The following PCDHGB6 variants were observed in gnomAD, a reference collection of about 807,000 sequenced individuals.
The protein encoded by PCDHGB6 is protocadherin gamma-B6.
PCDHGB6 carries 51 observed loss-of-function variants against 59.1 expected under a neutral mutation model. The observed-to-expected ratio is 0.86, with a 90% confidence interval of 0.69 to 1.09. The LOEUF (loss-of-function observed/expected upper bound fraction) is 1.09. PCDHGB6 is among the 50% of genes least tolerant of loss of function. PCDHGB6 has a pLI of 0.00. For missense variants in PCDHGB6, 1,148 were observed against 1,205.1 expected, an observed-to-expected ratio of 0.95 and a Z score of 0.70; for synonymous variants, 466 against 495.1, an observed-to-expected ratio of 0.94 and a Z score of 0.78.
intron 1 of PCDHGB6, chr5:141,411,714 G>C (rs889829564): frequency 6.6e-6 from 1 of 152,420 alleles, no homozygotes; most frequent in Middle Eastern, 3.1e-3. Context: ...AGACTCCATC[G>C]CTACAGAACA....
Position 141,487,071 on chromosome 5 carries a change from C to A in PCDHGB6, c.2419-7736C>A. On this transcript the variant is annotated intron_variant, in intron 1 of 3. Coordinates refer to ENST00000520790, the MANE Select transcript of PCDHGB6 (RefSeq NM_018926.3). The surrounding 1 kb of genome is among the most constrained non-coding windows in gnomAD (Gnocchi z 5.0). ...GCTGGGGAGGTGCGGACGGCTGTTC[C>A]TATCCCAGCTGACCTCCCACCACAG... is the stretch of plus-strand genomic sequence containing the variant. The A allele has an allele frequency of 6.2e-7, 1 of 1,614,148 alleles. No individual in the cohort carries two copies. Among genetic ancestry groups the A allele is most frequent in the Non-Finnish European group, 8.5e-7 (1 of 1,180,002 alleles).
At chr5:141,479,358 GC>G (rs2154577546) in intron 1 of PCDHGB6, 1 of 152,584 alleles carries the variant, frequency 6.6e-6, no homozygotes, top group Non-Finnish European at 1.5e-5. Flanking sequence ...GCTGCTCAGT[GC>G]CTGAGGTGGG....
chr5:141,455,158 T>TG (rs1279537888), intron 1 of PCDHGB6, among the ~76,000 whole-genome samples: 46 of 145,032 alleles, frequency 3.2e-4, no homozygotes, highest in African/African-American at 1.0e-3. Flanking sequence ...ATTAGTTTGT[T>TG]GGTTTTTTTT....
rs375127524 is a variant in PCDHGB6 at position 141,490,702 on chromosome 5, C to T, written c.2419-4105C>T. ...AGATCCAGACACTGGGGATAATGCC[C>T]GCCTCACCTACTCCATTGTAGGAAA... On this transcript the variant is annotated intron_variant, in intron 1 of 3. Coordinates refer to ENST00000520790, the MANE Select transcript of PCDHGB6 (RefSeq NM_018926.3). The surrounding 1 kb of genome is among the most constrained non-coding windows in gnomAD (Gnocchi z 5.4). 36 of 1,614,060 alleles carry T rather than the reference C, an allele frequency of 2.2e-5. No homozygotes were observed. Among genetic ancestry groups the T allele is most frequent in the South Asian group, 7.7e-5 (7 of 91,090 alleles).
At position 141,432,025 on chromosome 5, in the gene PCDHGB6, G is replaced by C. The variant is rs768627576; in HGVS notation, c.2418+21405G>C. 2 of 1,614,158 alleles carry C rather than the reference G, an allele frequency of 1.2e-6. No homozygotes were observed. The highest frequency in any genetic ancestry group is 3.3e-4 in the Middle Eastern group (2 of 6,062). ...AGGTTCCTAGCTACAACATCACAGTGACCGCCACTGACCGGGGAACCCCGC... is the reference window on the plus strand; with the variant it reads ...AGGTTCCTAGCTACAACATCACAGTCACCGCCACTGACCGGGGAACCCCGC... On this transcript the variant is annotated intron_variant, in intron 1 of 3. Transcript: ENST00000520790. The surrounding 1 kb of genome is among the most constrained non-coding windows in gnomAD (Gnocchi z 6.0).
Position 141,409,986 on chromosome 5 carries a change from A to G in PCDHGB6, c.1784A>G (p.Asp595Gly), listed in dbSNP as rs995773112. Residue 595 changes from aspartate to glycine, a missense_variant, in exon 1 of 4, where the codon GAC becomes GGC. By Grantham distance (94) the Asp-to-Gly change is moderately conservative. Around this residue, in one of 5 missense-constraint regions of PCDHGB6, gnomAD observed 549 missense variants for 527.5 expected, o/e 1.04. Transcript: ENST00000520790. Reference protein sequence around the residue: ...GYLVTKVVAVDADSGHNAWLS... With the variant: ...GYLVTKVVAVGADSGHNAWLS... ...CTAGTGACTAAGGTGGTAGCGGTGG[A>G]CGCCGACTCGGGACACAACGCCTGG... 1.7e-5 allele frequency: 27 copies of G among 1,612,796 alleles called. No individual in the cohort carries two copies. The highest frequency in any genetic ancestry group is 2.2e-5 in the Non-Finnish European group (26 of 1,179,682).
chr5:141,431,351 C>A lies in PCDHGB6; in HGVS notation c.2418+20731C>A. On this transcript the variant is annotated intron_variant, in intron 1 of 3. Coordinates refer to ENST00000520790, the MANE Select transcript of PCDHGB6 (RefSeq NM_018926.3). The surrounding 1 kb of genome is among the most constrained non-coding windows in gnomAD (Gnocchi z 4.8). ...TAAGTACCCCGAATTGGTGCTGAAA[C>A]GCGCCCTGGACCGCGAAGAAAAGGC... The A allele has an allele frequency of 6.2e-7, 1 of 1,614,064 alleles. No individual in the cohort carries two copies. The highest frequency in any genetic ancestry group is 8.5e-7 in the Non-Finnish European group (1 of 1,180,042).
chr5:141,486,253 C>G lies in PCDHGB6; in HGVS notation c.2419-8554C>G. On this transcript the variant is annotated intron_variant, in intron 1 of 3. Coordinates refer to ENST00000520790, the MANE Select transcript of PCDHGB6 (RefSeq NM_018926.3). The surrounding 1 kb of genome is among the most constrained non-coding windows in gnomAD (Gnocchi z 5.0). Reference sequence around the variant, plus strand: ...TGACCTCAGAGCTTGGAACCCTCCCCGAGAGTGCAGAACCTGGCACTGTGG... The same window carrying G: ...TGACCTCAGAGCTTGGAACCCTCCCGGAGAGTGCAGAACCTGGCACTGTGG... The G allele has an allele frequency of 6.2e-7, 1 of 1,614,138 alleles. No homozygotes were observed. Among genetic ancestry groups the G allele is most frequent in the East Asian group, 2.2e-5 (1 of 44,866 alleles).
intron 1 of PCDHGB6, chr5:141,422,936 C>T: frequency 6.2e-7 from 1 of 1,614,260 alleles, no homozygotes; most frequent in Non-Finnish European, 8.5e-7. Flanking sequence ...GCCCTCCCCA[C>T]AGACGGCTCC....
chr5:141,444,281 C>T (rs1256106299), intron 1 of PCDHGB6, among the ~76,000 whole-genome samples: 1 of 146,976 alleles, frequency 6.8e-6, no homozygotes, highest in African/African-American at 2.5e-5. Context: ...AAGTGATTCT[C>T]CTGCCTCAGC....
At chr5:141,440,113 G>A (rs1375262224) in intron 1 of PCDHGB6, 1 of 152,248 alleles carries the variant, frequency 6.6e-6, no homozygotes, top group Non-Finnish European at 1.5e-5. Context: ...ACTTACTTGT[G>A]AATGACTGAA....
rs188373658 is a variant in PCDHGB6 at position 141,492,228 on chromosome 5, C to T, written c.2419-2579C>T. ...TGCGCGCGGGGCTCATGCGTGTCCT[C>T]CCTGCTGGCCACCCCCACGGCCCAC... On this transcript the variant is annotated intron_variant, in intron 1 of 3. Coordinates refer to ENST00000520790, the MANE Select transcript of PCDHGB6 (RefSeq NM_018926.3). Among the ~76,000 whole-genome samples the T allele has an allele frequency of 5.3e-5, 8 of 152,292 alleles. No individual in the cohort carries two copies. In the East Asian group the frequency reaches 1.2e-3, roughly 22 times the overall value.
At chr5:141,423,806 T>A in intron 1 of PCDHGB6, 1 of 1,251,576 alleles carries the variant, frequency 8.0e-7, no homozygotes, top group African/African-American at 1.6e-5. Flanking sequence ...GCAATACATG[T>A]GAGTTTTACT....
intron 1 of PCDHGB6, among the ~76,000 whole-genome samples, chr5:141,437,034 C>T (rs1282216386): frequency 1.3e-5 from 2 of 152,194 alleles, no homozygotes. Context: ...AAATGGATCA[C>T]CGAAACCAGA....
At position 141,431,213 on chromosome 5, in the gene PCDHGB6, T is replaced by A; in HGVS notation, c.2418+20593T>A. 6.2e-7 allele frequency: 1 copy of A among 1,614,142 alleles called. No individual in the cohort carries two copies. The highest frequency in any genetic ancestry group is 8.5e-7 in the Non-Finnish European group (1 of 1,180,038). On this transcript the variant is annotated intron_variant, in intron 1 of 3. Coordinates refer to ENST00000520790, the MANE Select transcript of PCDHGB6 (RefSeq NM_018926.3). The surrounding 1 kb of genome is among the most constrained non-coding windows in gnomAD (Gnocchi z 4.8). ...TGAAAATGCAGCCACTGAGATGCGG[T>A]TCCCTCTACCCCACGCCTGGGATCC...
intron 1 of PCDHGB6, among the ~76,000 whole-genome samples, chr5:141,484,796 C>A (rs987893041): frequency 1.3e-5 from 2 of 151,304 alleles, no homozygotes; most frequent in African/African-American, 4.9e-5. Flanking sequence ...GATAACAACC[C>A]GTGGAAAAAC....
At chr5:141,494,729 C>A in intron 1 of PCDHGB6, 78 bp from the exon 2 acceptor site, 1 of 1,610,166 alleles carries the variant, frequency 6.2e-7, no homozygotes. Context: ...CCTTCTCTCC[C>A]GGCCCATCCC....
In PCDHGB6 at chr5:141,487,678, C is replaced by T. The variant is rs1416406108; in HGVS notation, c.2419-7129C>T. ...ATTCTGATCCAGGCATATGGCTAGG[C>T]CATGTCCTAGAGAGTACTGGCCTCT... On this transcript the variant is annotated intron_variant, in intron 1 of 3. Transcript: ENST00000520790. The surrounding 1 kb of genome is among the most constrained non-coding windows in gnomAD (Gnocchi z 5.0). 6.2e-7 allele frequency: 1 copy of T among 1,609,696 alleles called. No individual in the cohort carries two copies. Among genetic ancestry groups the T allele is most frequent in the South Asian group, 1.1e-5 (1 of 90,230 alleles).
chr5:141,422,576 C>G (rs778942661), intron 1 of PCDHGB6: 1 of 1,614,034 alleles, frequency 6.2e-7, no homozygotes, highest in South Asian at 1.1e-5. Context: ...AACGATAACC[C>G]TCCCGTTTTT....
Sources: gnomAD v4.1 joint callset for allele counts (sites outside exome capture counted in the v4.1 genomes callset) on GRCh38, gnomAD v4.1.1 for gene constraint, gnomAD v4.1.1 regional missense constraint, Gnocchi (gnomAD v3.1) non-coding constraint, MANE v1.5 for transcripts, NCBI Gene and HGNC (gene_info 2026-07-23, HGNC 2026-07-21) for gene names.